Variants in LMBR1 observed in about 807,000 individuals in gnomAD.
LMBR1 encodes the protein limb development membrane protein 1.
LMBR1 carries 52 observed loss-of-function variants against 73.9 expected under a neutral mutation model. The ratio of observed to expected loss-of-function variants is 0.70; its 90% CI spans 0.56 to 0.89. The LOEUF is 0.89. Ranked by LOEUF, LMBR1 falls within the 40% of genes least tolerant of loss-of-function variation. The pLI is 0.00. For synonymous variants in LMBR1, 215 were observed against 209.4 expected (o/e 1.03, Z -0.23); for missense variants, 539 against 579.8 (o/e 0.93, Z 0.72).
intron 10 of LMBR1, among the ~76,000 whole-genome samples, chr7:156,730,827 C>G (rs189758001): frequency 6.6e-6 from 1 of 152,080 alleles, no homozygotes. Context: ...ATCCCAGTTA[C>G]TCGGGAGGCT....
At position 156,688,107 on chromosome 7, in the gene LMBR1, AG is replaced by A; in HGVS notation, c.1309del (p.Leu437PhefsTer5). 1 of 1,613,162 alleles carries A rather than the reference AG, an allele frequency of 6.2e-7. No individual in the cohort carries two copies. The highest frequency in any genetic ancestry group is 8.5e-7 in the Non-Finnish European group (1 of 1,179,584). ...ACACAATGTTGTCACAATAGCAAAA[AG>A]CAAATTGTAGGATAATACAATATAG... is the stretch of plus-strand genomic sequence containing the variant. ...NFYIVLSYNL[L>X]FAIVTTLCLV... On this transcript the variant is annotated frameshift_variant, in exon 16 of 17. Transcript: ENST00000353442. LOFTEE classifies it high-confidence loss of function.
intron 3 of LMBR1, among the ~76,000 whole-genome samples, chr7:156,831,583 C>T (rs867883147): frequency 6.6e-6 from 1 of 152,188 alleles, no homozygotes; most frequent in African/African-American, 2.4e-5. Flanking sequence ...CCACTTTATA[C>T]GAACCCACTG....
intron 8 of LMBR1, among the ~76,000 whole-genome samples, chr7:156,757,213 C>A (rs1822062182): frequency 6.6e-6 from 1 of 152,194 alleles, no homozygotes; most frequent in Non-Finnish European, 1.5e-5. Context: ...ATAGAAGGAA[C>A]AGACACCCAG....
At chr7:156,718,264 G>A (rs1043857700) in intron 15 of LMBR1, among the ~76,000 whole-genome samples, 1 of 151,864 alleles carries the variant, frequency 6.6e-6, no homozygotes, top group African/African-American at 2.4e-5. Context: ...GCTGGGCATG[G>A]TGGCAGGCGC....
chr7:156,882,637 C>T (rs940546823), intron 1 of LMBR1, among the ~76,000 whole-genome samples: 2 of 152,182 alleles, frequency 1.3e-5, no homozygotes, highest in African/African-American at 4.8e-5. Context: ...TTGAAAGTTA[C>T]TAATCAATGG....
intron 15 of LMBR1, among the ~76,000 whole-genome samples, chr7:156,711,644 T>C (rs1349277164): frequency 6.6e-6 from 1 of 152,066 alleles, no homozygotes; most frequent in East Asian, 1.9e-4. Context: ...GGTACTAGTA[T>C]AAAAACAGAC....
intron 1 of LMBR1, among the ~76,000 whole-genome samples, chr7:156,861,589 T>C (rs1159521142): frequency 2.6e-5 from 4 of 152,214 alleles, no homozygotes; most frequent in Non-Finnish European, 4.4e-5. Context: ...TTTTCTTTTC[T>C]ATCTCATTGT....
chr7:156,871,912 T>C (rs1799348932), intron 1 of LMBR1, among the ~76,000 whole-genome samples: 1 of 152,188 alleles, frequency 6.6e-6, no homozygotes, highest in African/African-American at 2.4e-5. Context: ...TTACTTTTAT[T>C]CAACATAGTA....
intron 5 of LMBR1, among the ~76,000 whole-genome samples, chr7:156,784,494 T>TAC (rs1827727227): frequency 6.6e-6 from 1 of 152,188 alleles, no homozygotes; most frequent in African/African-American, 2.4e-5. Flanking sequence ...AAGCAAATGC[T>TAC]ACACTGCCTG....
chr7:156,856,392 G>GAA (rs1443863415), intron 1 of LMBR1, among the ~76,000 whole-genome samples: 1 of 151,988 alleles, frequency 6.6e-6, no homozygotes, highest in African/African-American at 2.4e-5. Context: ...ATGACCACAG[G>GAA]ACAGAAATTC....
intron 5 of LMBR1, among the ~76,000 whole-genome samples, chr7:156,784,847 G>A (rs1827795826): frequency 6.6e-6 from 1 of 152,000 alleles, no homozygotes; most frequent in South Asian, 2.1e-4. Flanking sequence ...ACTCCTCCAG[G>A]ACCTGATAAT....
At chr7:156,840,979 A>AG (rs536095757) in intron 1 of LMBR1, among the ~76,000 whole-genome samples, 366 of 148,622 alleles carry the variant, frequency 2.5e-3, no homozygotes, top group Non-Finnish European at 4.0e-3. Flanking sequence ...AAAAAAAAAA[A>AG]AAAAAGAAAA....
chr7:156,761,991 A>AAAC, intron 8 of LMBR1, 143 bp downstream of exon 8: 1 of 588,086 alleles, frequency 1.7e-6, no homozygotes, highest in Non-Finnish European at 3.0e-6. Context: ...AAAAAAAAAA[A>AAAC]ACTTAATAAA....
In LMBR1 at chr7:156,801,869, G is replaced by A. The variant is rs79248538; in HGVS notation, c.320-5377C>T. Among the ~76,000 whole-genome samples the A allele has an allele frequency of 4.3e-3, 650 of 152,224 alleles. 4 individuals are homozygous for A. The highest frequency in any genetic ancestry group is 6.8e-3 in the Middle Eastern group (2 of 294). ...AATATTTTATGAGGGAAGGTCCCCC[G>A]TTTTACAGACGGACTTCAGGTTCAG... is the stretch of plus-strand genomic sequence containing the variant. On this transcript the variant is annotated intron_variant, in intron 4 of 16. Coordinates refer to ENST00000353442, the MANE Select transcript of LMBR1 (RefSeq NM_022458.4).
chr7:156,849,176 A>G (rs559141031), intron 1 of LMBR1, among the ~76,000 whole-genome samples: 2 of 152,318 alleles, frequency 1.3e-5, no homozygotes, highest in Middle Eastern at 3.4e-3. Flanking sequence ...GTATGCAGCC[A>G]TAAAAGTGAA....
At chr7:156,738,652 G>C (rs1818346703) in intron 9 of LMBR1, among the ~76,000 whole-genome samples, 1 of 152,174 alleles carries the variant, frequency 6.6e-6, no homozygotes, top group Admixed American at 6.5e-5. Flanking sequence ...ATAGGGTACT[G>C]GGCACAGTCA....
At chr7:156,756,830 G>C (rs748568086) in intron 8 of LMBR1, among the ~76,000 whole-genome samples, 8 of 151,900 alleles carry the variant, frequency 5.3e-5, no homozygotes, top group Non-Finnish European at 1.2e-4. Context: ...TTGTTTGTTT[G>C]TTTGAGACAG....
chr7:156,722,583 T>G (rs767288026), intron 15 of LMBR1, among the ~76,000 whole-genome samples: 5 of 152,186 alleles, frequency 3.3e-5, no homozygotes, highest in East Asian at 1.9e-4. Flanking sequence ...GGGCATAACA[T>G]GTAATGCAGT....
chr7:156,850,109 G>A (rs185789677), intron 1 of LMBR1, among the ~76,000 whole-genome samples: 4 of 152,258 alleles, frequency 2.6e-5, no homozygotes, highest in African/African-American at 9.6e-5. Flanking sequence ...GTTGAGGTGG[G>A]GCTTCAAAAG....
Sources: allele counts gnomAD v4.1 joint callset (sites outside exome capture counted in the v4.1 genomes callset), GRCh38; gene constraint gnomAD v4.1.1; transcripts MANE v1.5; gene names NCBI Gene and HGNC (gene_info 2026-07-23, HGNC 2026-07-21).